Variants in UBR1 observed in about 807,000 individuals in gnomAD.
UBR1 encodes the protein E3 ubiquitin-protein ligase UBR1.
A neutral mutation model predicts 242.1 loss-of-function variants in UBR1; 102 were observed. The ratio of observed to expected loss-of-function variants is 0.42; its 90% CI spans 0.36 to 0.50. The LOEUF is 0.50. Among genes scored for constraint, UBR1 ranks in the 20% least tolerant of loss-of-function variants. The pLI, the probability that UBR1 is intolerant of heterozygous loss-of-function variation, is 0.01. For missense variants in UBR1, 1,772 were observed against 2,101.8 expected (o/e 0.84, Z 3.07); for synonymous variants, 675 against 684.8 (o/e 0.99, Z 0.22).
intron 1 of UBR1, among the ~76,000 whole-genome samples, chr15:43,100,233 C>A (rs1047833040): frequency 4.6e-5 from 7 of 152,118 alleles, no homozygotes; most frequent in Non-Finnish European, 8.8e-5. Context: ...CCCATGTACT[C>A]AAATTCTAAA....
Position 43,015,720 on chromosome 15 carries a change from A to T in UBR1, c.3177T>A (p.Pro1059=). Residue 1059 remains proline, a synonymous_variant, in exon 29 of 47, where the codon CCT becomes CCA. Coordinates refer to ENST00000290650, the MANE Select transcript of UBR1 (RefSeq NM_174916.3). ...CCTCCATAATGGAATCTTCTTTCCCAGGCATTTCTGATGTATTGTCATACA... is the reference window on the plus strand; with the variant it reads ...CCTCCATAATGGAATCTTCTTTCCCTGGCATTTCTGATGTATTGTCATACA... ...KLMYDNTSEM[P]GKEDSIMEEE... The T allele has an allele frequency of 6.2e-7, 1 of 1,614,106 alleles. No individual in the cohort carries two copies. Among genetic ancestry groups the T allele is most frequent in the South Asian group, 1.1e-5 (1 of 91,082 alleles).
At chr15:43,099,947 C>T (rs2034209681) in intron 1 of UBR1, among the ~76,000 whole-genome samples, 1 of 151,562 alleles carries the variant, frequency 6.6e-6, no homozygotes, top group Non-Finnish European at 1.5e-5. Flanking sequence ...GTGATCTCAG[C>T]TCACTGCAAG....
chr15:43,005,500 C>T (rs368654975), intron 30 of UBR1, among the ~76,000 whole-genome samples: 13 of 150,658 alleles, frequency 8.6e-5, no homozygotes, highest in Non-Finnish European at 1.3e-4. Flanking sequence ...CCAGCCGCTC[C>T]GTCTGGGAGG....
intron 15 of UBR1, among the ~76,000 whole-genome samples, chr15:43,041,344 C>CA (rs1384502666): frequency 7.2e-5 from 11 of 151,888 alleles, no homozygotes; most frequent in African/African-American, 2.7e-4. Context: ...ATCACAGGGA[C>CA]AAAAAACCAA....
intron 29 of UBR1, among the ~76,000 whole-genome samples, chr15:43,011,165 T>C (rs1488429942): frequency 1.3e-5 from 2 of 149,866 alleles, no homozygotes; most frequent in African/African-American, 4.9e-5. Context: ...CTGGGCAACA[T>C]AGTGAGACCC....
intron 32 of UBR1, 75 bp from the exon 33 acceptor site, chr15:42,998,340 C>T: frequency 2.3e-6 from 3 of 1,329,176 alleles, no homozygotes; most frequent in Non-Finnish European, 3.2e-6. Flanking sequence ...TGTATTATTT[C>T]CTTGGATAAA....
At chr15:42,961,039 C>T (rs537285678) in intron 42 of UBR1, among the ~76,000 whole-genome samples, 7 of 151,956 alleles carry the variant, frequency 4.6e-5, no homozygotes, top group Non-Finnish European at 8.8e-5. Context: ...GGATTACAGA[C>T]GTGAGCCACT....
At chr15:43,034,283 GATAAATA>G (rs2033300673) in intron 19 of UBR1, among the ~76,000 whole-genome samples, 1 of 24,668 alleles carries the variant, frequency 4.1e-5, no homozygotes, top group Non-Finnish European at 8.7e-5. Flanking sequence ...TAAATAAATA[GATAAATA>G]AATGAGCTGG....
At chr15:43,029,039 T>C (rs1354293403) in intron 21 of UBR1, among the ~76,000 whole-genome samples, 1 of 151,778 alleles carries the variant, frequency 6.6e-6, no homozygotes, top group African/African-American at 2.4e-5. Context: ...GAGCCAAGAT[T>C]GTGCCACTAC....
chr15:43,100,759 C>T (rs573835685), intron 1 of UBR1, among the ~76,000 whole-genome samples: 15 of 152,198 alleles, frequency 9.9e-5, no homozygotes, highest in African/African-American at 2.4e-4. Flanking sequence ...CGCTTGAATC[C>T]GGGAGGCGGA....
chr15:43,019,618 T>G (rs1287680402), intron 27 of UBR1, among the ~76,000 whole-genome samples: 1 of 148,980 alleles, frequency 6.7e-6, no homozygotes, highest in East Asian at 2.0e-4. Context: ...AGTTTCACTC[T>G]GTCGCCCAGG....
intron 43 of UBR1, among the ~76,000 whole-genome samples, chr15:42,959,617 G>A (rs758418413): frequency 2.6e-5 from 4 of 152,176 alleles, no homozygotes; most frequent in Non-Finnish European, 4.4e-5. Context: ...TATAAAAGGT[G>A]TACAGTGAAT....
chr15:43,077,272 T>C lies in UBR1; in HGVS notation c.418-2183A>G, dbSNP rs1407109861. On this transcript the variant is annotated intron_variant, in intron 3 of 46. Coordinates refer to ENST00000290650, the MANE Select transcript of UBR1 (RefSeq NM_174916.3). ...GTTGCCGGGTCTGTGTGGATGGAAG[T>C]AGACATGGGAGACTTTTCATTTTGT... is the stretch of plus-strand genomic sequence containing the variant. 7.2e-5 allele frequency among the ~76,000 whole-genome samples: 11 copies of C among 152,084 alleles called. No homozygotes were observed. The East Asian group carries it at 2.1e-3, about 29-fold the overall frequency.
intron 43 of UBR1, among the ~76,000 whole-genome samples, chr15:42,959,399 T>G (rs1287448642): frequency 6.6e-6 from 1 of 152,224 alleles, no homozygotes; most frequent in African/African-American, 2.4e-5. Context: ...AAATGATCTC[T>G]AAGACTAACC....
intron 1 of UBR1, among the ~76,000 whole-genome samples, chr15:43,101,619 C>T (rs915756042): frequency 1.3e-5 from 2 of 152,046 alleles, no homozygotes; most frequent in Admixed American, 6.6e-5. Context: ...CACTTGAGGT[C>T]GGGAGTTCGA....
Position 43,102,672 on chromosome 15 carries a change from A to G in UBR1, c.81+3270T>C, listed in dbSNP as rs550690269. On this transcript the variant is annotated intron_variant, in intron 1 of 46. Coordinates refer to ENST00000290650, the MANE Select transcript of UBR1 (RefSeq NM_174916.3). ...CTCAGTCCTCATTATCATGGACCCA[A>G]TAAACCACCCTCTCAAAATAATACC... 3.9e-5 allele frequency among the ~76,000 whole-genome samples: 6 copies of G among 152,250 alleles called. No homozygotes were observed. In the East Asian group the frequency reaches 1.2e-3, roughly 29 times the overall value.
At position 42,964,019 on chromosome 15, in the gene UBR1, G is replaced by T; in HGVS notation, c.4616C>A (p.Ala1539Glu). 1 of 1,611,940 alleles carries T rather than the reference G, an allele frequency of 6.2e-7. No homozygotes were observed. The highest frequency in any genetic ancestry group is 8.5e-7 in the Non-Finnish European group (1 of 1,178,202). The change falls in exon 42 of 47, where the codon GCA becomes GAA. Residue 1539 changes from alanine to glutamate, a missense_variant. Physicochemically the swap from Ala to Glu is moderately radical, Grantham distance 107 (BLOSUM62 -1). This residue lies in a region of UBR1 where 965 missense variants were observed against 1,079.7 expected (regional missense o/e 0.89). Coordinates refer to ENST00000290650, the MANE Select transcript of UBR1 (RefSeq NM_174916.3). ...AGGTAAAGATAGATAGCTACAGAGT[G>T]CACTGTACTCTCCTTCTGCAGAATC... ...HTNSAEGEYS[A>E]LCSYLSLPTN...
At chr15:42,958,142 C>A in intron 43 of UBR1, 52 bp from the exon 44 acceptor site, 1 of 1,272,178 alleles carries the variant, frequency 7.9e-7, no homozygotes, top group South Asian at 1.2e-5. Context: ...AACCCCAGAT[C>A]AAAAACTGCC....
At chr15:43,091,375 G>T (rs2034104178) in intron 1 of UBR1, among the ~76,000 whole-genome samples, 1 of 152,176 alleles carries the variant, frequency 6.6e-6, no homozygotes, top group Non-Finnish European at 1.5e-5. Flanking sequence ...TAGATTTTCA[G>T]ATTTGGAATG....
Sources: gnomAD v4.1 joint callset for allele counts (sites outside exome capture counted in the v4.1 genomes callset) on GRCh38, gnomAD v4.1.1 for gene constraint, gnomAD v4.1.1 regional missense constraint, MANE v1.5 for transcripts, NCBI Gene and HGNC (gene_info 2026-07-23, HGNC 2026-07-21) for gene names.